BLOC1S2: variants seen among roughly 807,000 people sequenced by gnomAD.
The protein encoded by BLOC1S2 is biogenesis of lysosome-related organelles complex 1 subunit 2.
BLOC1S2 carries 12 observed loss-of-function variants against 19.6 expected under a neutral mutation model. The ratio of observed to expected loss-of-function variants is 0.61; its 90% CI spans 0.39 to 0.99. The LOEUF (loss-of-function observed/expected upper bound fraction) is 0.99, where lower values mean the gene tolerates loss of function less well. BLOC1S2 is among the 50% of genes least tolerant of loss of function. BLOC1S2 has a pLI of 0.00. For missense variants in BLOC1S2, 142 were observed against 171.0 expected (o/e 0.83, Z 0.95); for synonymous variants, 66 against 64.1 (o/e 1.03, Z -0.14).
chr10:100,278,021 C>T (rs1162388693), intron 4 of BLOC1S2, among the ~76,000 whole-genome samples: 7 of 135,304 alleles, frequency 5.2e-5, no homozygotes, highest in African/African-American at 2.0e-4. Flanking sequence ...GGGAATCAGC[C>T]CCCCGCCCGG....
chr10:100,277,812 C>T (rs1477697073), intron 4 of BLOC1S2, among the ~76,000 whole-genome samples: 38 of 125,264 alleles, frequency 3.0e-4, no homozygotes, highest in African/African-American at 1.0e-3. Flanking sequence ...CCCGGCCAGC[C>T]GCCCCGTCCG....
intron 2 of BLOC1S2, among the ~76,000 whole-genome samples, chr10:100,282,637 T>C (rs1305334416): frequency 6.6e-6 from 1 of 152,222 alleles, no homozygotes; most frequent in African/African-American, 2.4e-5. Flanking sequence ...CTGTAACACA[T>C]AACTGATGTT....
intron 1 of BLOC1S2, 182 bp downstream of exon 1, chr10:100,286,423 C>T: frequency 7.5e-6 from 11 of 1,465,468 alleles, no homozygotes; most frequent in Non-Finnish European, 9.1e-6. Flanking sequence ...TACCCGGCAC[C>T]CCCGCTCATC....
In BLOC1S2 at chr10:100,286,665, A is replaced by T. The variant is rs750333778; in HGVS notation, c.-6T>A. ...CCCTCGGCTGCCGCCGCCATAGCGG[A>T]CCCCGCGCTGTTTCCGGGCCGGGGT... is the stretch of plus-strand genomic sequence containing the variant. On this transcript the variant is annotated 5_prime_UTR_variant, in exon 1 of 5. Coordinates refer to ENST00000370372, the MANE Select transcript of BLOC1S2 (RefSeq NM_173809.5). 6.2e-7 allele frequency: 1 copy of T among 1,609,440 alleles called. No homozygotes were observed. Among genetic ancestry groups the T allele is most frequent in the Non-Finnish European group, 8.5e-7 (1 of 1,177,922 alleles).
chr10:100,275,552 T>C, intron 4 of BLOC1S2, 59 bp from the exon 5 acceptor site: 3 of 1,478,086 alleles, frequency 2.0e-6, no homozygotes, highest in Admixed American at 3.9e-5. Context: ...AGACAGTTTT[T>C]AGTTAGCATT....
At chr10:100,286,473 C>A in intron 1 of BLOC1S2, 132 bp downstream of exon 1, 1 of 1,490,814 alleles carries the variant, frequency 6.7e-7, no homozygotes, top group Non-Finnish European at 9.0e-7. Context: ...CAAACACTCG[C>A]GCGCAGCGAC....
At chr10:100,286,282 C>G (rs994840944) in intron 1 of BLOC1S2, 69 bp from the exon 2 acceptor site, 1 of 1,553,414 alleles carries the variant, frequency 6.4e-7, no homozygotes, top group South Asian at 1.2e-5. Flanking sequence ...GCAGCCTGTT[C>G]CGACATCCCT....
intron 2 of BLOC1S2, 25 bp downstream of exon 2, chr10:100,286,072 C>A (rs1160179669): frequency 6.2e-7 from 1 of 1,611,614 alleles, no homozygotes; most frequent in South Asian, 1.1e-5. Context: ...AAACCGCACC[C>A]GAATCAACCC....
chr10:100,278,105 G>A (rs1365731460), intron 4 of BLOC1S2, among the ~76,000 whole-genome samples: 2 of 105,338 alleles, frequency 1.9e-5, no homozygotes, highest in Non-Finnish European at 4.3e-5. Flanking sequence ...CGGGAGGGAG[G>A]TGGGGGGGCG....
rs375784294 is a variant in BLOC1S2, at chr10:100,286,670, G to A, written c.-11C>T. On this transcript the variant is annotated 5_prime_UTR_variant, in exon 1 of 5. Transcript: ENST00000370372. ...GGCTGCCGCCGCCATAGCGGACCCC[G>A]CGCTGTTTCCGGGCCGGGGTGCTGC... The A allele has an allele frequency of 3.3e-5, 53 of 1,609,298 alleles. No individual in the cohort carries two copies. The highest frequency in any genetic ancestry group is 1.9e-4 in the African/African-American group (14 of 74,944).
In BLOC1S2 at chr10:100,280,956, G is replaced by A. The variant is rs1848087511; in HGVS notation, c.270C>T (p.Asn90=). ...MKDIAINISR[N]LKDLNQKYAG... Reference sequence around the variant, plus strand: ...TACATTTCTGGTTTAAGTCCTTTAAGTTCCTACTAATGTTTATAGCAATAT... The same window carrying A: ...TACATTTCTGGTTTAAGTCCTTTAAATTCCTACTAATGTTTATAGCAATAT... The change falls in exon 3 of 5, where the codon AAC becomes AAT. Residue 90 remains asparagine (N), a synonymous_variant. Coordinates refer to ENST00000370372, the MANE Select transcript of BLOC1S2 (RefSeq NM_173809.5). 1 of 1,611,642 alleles carries A rather than the reference G, an allele frequency of 6.2e-7. No homozygotes were observed. Among genetic ancestry groups the A allele is most frequent in the African/African-American group, 1.3e-5 (1 of 74,874 alleles).
intron 2 of BLOC1S2, among the ~76,000 whole-genome samples, chr10:100,281,436 A>G (rs542095733): frequency 9.7e-4 from 148 of 152,280 alleles, no homozygotes; most frequent in African/African-American, 3.4e-3. Flanking sequence ...GTGTAATCCC[A>G]GCACTTTGGG....
intron 2 of BLOC1S2, among the ~76,000 whole-genome samples, chr10:100,283,696 C>A (rs1030909700): frequency 2.6e-5 from 4 of 151,836 alleles, no homozygotes; most frequent in African/African-American, 9.7e-5. Flanking sequence ...CATGGCAAAA[C>A]CTCATCTCTA....
rs1309642446 is a variant in BLOC1S2, at chr10:100,277,381, C to T, written c.398-1888G>A. ...GCCGCCCCGTCCGGGAGGTGAGGGG[C>T]GCCTCTGCCCGGCCGCCCCTACTGG... On this transcript the variant is annotated intron_variant, in intron 4 of 4. Coordinates refer to ENST00000370372, the MANE Select transcript of BLOC1S2 (RefSeq NM_173809.5). 7.7e-5 allele frequency among the ~76,000 whole-genome samples: 11 copies of T among 143,584 alleles called. No individual in the cohort carries two copies. In the East Asian group the frequency reaches 8.4e-4, roughly 11 times the overall value. 94.2% of individuals were successfully genotyped at this position (143,584 alleles called of 152,430 possible).
At position 100,275,281 on chromosome 10, in the gene BLOC1S2, CAAA is replaced by C; in HGVS notation, c.*178_*180del. On this transcript the variant is annotated 3_prime_UTR_variant, in exon 5 of 5. Transcript: ENST00000370372. ...TGTGAGATTCTGAGGGATTCTGTCT[CAAA>C]GAAGGTTCAGGAATAGCCACAGTCC... The C allele has an allele frequency of 1.8e-6, 1 of 555,134 alleles. No individual in the cohort carries two copies. The highest frequency in any genetic ancestry group is 3.2e-6 in the Non-Finnish European group (1 of 316,320). 34.4% of individuals were successfully genotyped at this position (555,134 alleles called of 1,614,324 possible).
At chr10:100,281,573 A>G (rs1311416305) in intron 2 of BLOC1S2, among the ~76,000 whole-genome samples, 1 of 151,524 alleles carries the variant, frequency 6.6e-6, no homozygotes, top group Non-Finnish European at 1.5e-5. Flanking sequence ...AATCTCAGCT[A>G]CTCGGGAGGC....
At position 100,286,643 on chromosome 10, in the gene BLOC1S2, T is replaced by TCGG. The variant is rs1564875711; in HGVS notation, c.14_16dup (p.Ala5dup). ...ATCACTCCGGGTCGCCAGTACGCCCTCGGCTGCCGCCGCCATAGCGGACCC... is the reference window on the plus strand; with the variant it reads ...ATCACTCCGGGTCGCCAGTACGCCCTCGGCGGCTGCCGCCGCCATAGCGGACCC... On this transcript the variant is annotated inframe_insertion, in exon 1 of 5. Transcript: ENST00000370372. 6.2e-7 allele frequency: 1 copy of TCGG among 1,609,930 alleles called. No individual in the cohort carries two copies. The highest frequency in any genetic ancestry group is 1.1e-5 in the South Asian group (1 of 90,900).
rs112277698 is a variant in BLOC1S2, at chr10:100,286,662, C to G, written c.-3G>C. 9 of 1,609,902 alleles carry G rather than the reference C, an allele frequency of 5.6e-6. No individual in the cohort carries two copies. Among genetic ancestry groups the G allele is most frequent in the African/African-American group, 1.3e-5 (1 of 74,834 alleles). On this transcript the variant is annotated 5_prime_UTR_variant, in exon 1 of 5. Coordinates refer to ENST00000370372, the MANE Select transcript of BLOC1S2 (RefSeq NM_173809.5). ...ACGCCCTCGGCTGCCGCCGCCATAG[C>G]GGACCCCGCGCTGTTTCCGGGCCGG...
intron 4 of BLOC1S2, among the ~76,000 whole-genome samples, chr10:100,277,981 G>A (rs1257969933): frequency 3.5e-5 from 4 of 113,802 alleles, no homozygotes; most frequent in African/African-American, 7.4e-5. Context: ...CCCTCTGCCC[G>A]GCCAGCCGCC....
Sources: allele counts gnomAD v4.1 joint callset (sites outside exome capture counted in the v4.1 genomes callset), GRCh38; gene constraint gnomAD v4.1.1; transcripts MANE v1.5; gene names NCBI Gene and HGNC (gene_info 2026-07-23, HGNC 2026-07-21).